Variants in TNR observed in about 807,000 individuals in gnomAD.
TNR encodes the protein tenascin R.
A neutral mutation model predicts 150.4 loss-of-function variants in TNR; 45 were observed. That is an observed-to-expected ratio of 0.30 (90% CI 0.24 to 0.38). TNR has a LOEUF of 0.38. TNR is among the 10% of genes least tolerant of loss of function. The probability of loss-of-function intolerance (pLI) is 1.00; values close to 1 mark genes in which losing one functional copy is unlikely to be tolerated. For synonymous variants in TNR, 687 were observed against 678.4 expected (o/e 1.01, Z -0.20); for missense variants, 1,544 against 1,759.1 (o/e 0.88, Z 2.19).
At chr1:175,547,528 T>A (rs1660736528) in intron 1 of TNR, among the ~76,000 whole-genome samples, 1 of 151,028 alleles carries the variant, frequency 6.6e-6, no homozygotes, top group Non-Finnish European at 1.5e-5. Context: ...GTGGCATGCT[T>A]TCTCTCATTT....
At chr1:175,571,128 C>A (rs6691558) in intron 1 of TNR, among the ~76,000 whole-genome samples, 21,924 of 152,116 alleles carry the variant, frequency 0.14, 2,323 homozygotes, top group African/African-American at 0.3. Context: ...CTGAACTAAA[C>A]ACCTTTGTCC....
chr1:175,445,369 T>C (rs1571449871), intron 2 of TNR, among the ~76,000 whole-genome samples: 1 of 152,336 alleles, frequency 6.6e-6, no homozygotes, highest in African/African-American at 2.4e-5. Context: ...AACAAAGGAA[T>C]TAGATTCTAT....
chr1:175,343,316 T>C (rs547586467), intron 18 of TNR, among the ~76,000 whole-genome samples: 1 of 152,266 alleles, frequency 6.6e-6, no homozygotes, highest in African/African-American at 2.4e-5. Context: ...TACTCCTCCC[T>C]CAGGGTGTAG....
At chr1:175,711,783 G>A (rs1415979242) in intron 1 of TNR, among the ~76,000 whole-genome samples, 1 of 152,186 alleles carries the variant, frequency 6.6e-6, no homozygotes, top group Non-Finnish European at 1.5e-5. Flanking sequence ...GAGAGCAGTC[G>A]AGGTTTTTGG....
intron 2 of TNR, among the ~76,000 whole-genome samples, chr1:175,417,077 A>AAGAAAGAAAGAAAG (rs1358494901): frequency 2.7e-5 from 4 of 149,820 alleles, no homozygotes; most frequent in Middle Eastern, 3.2e-3. Context: ...GAAAGAAAGA[A>AAGAAAGAAAGAAAG]ATCTAAGAAG....
Position 175,506,550 on chromosome 1 carries a change from T to G in TNR, c.-64+21719A>C, listed in dbSNP as rs572189146. Among the ~76,000 whole-genome samples the G allele has an allele frequency of 9.2e-5, 14 of 152,258 alleles. No homozygotes were observed. In the East Asian group the frequency reaches 1.9e-3, roughly 21 times the overall value. On this transcript the variant is annotated intron_variant, in intron 2 of 22. Transcript: ENST00000367674. The stretch of plus-strand genomic sequence containing the variant: ...TATAAGAAGAGGTGACTGGAGCACA[T>G]GGCAAGGGGACACACATGCGTGGGG...
At chr1:175,441,113 CTG>C (rs1655769985) in intron 2 of TNR, among the ~76,000 whole-genome samples, 1 of 152,190 alleles carries the variant, frequency 6.6e-6, no homozygotes, top group Non-Finnish European at 1.5e-5. Flanking sequence ...TTATTCATCT[CTG>C]TGGCACCTTC....
chr1:175,409,180 A>G (rs1654095541), intron 2 of TNR, among the ~76,000 whole-genome samples: 1 of 152,222 alleles, frequency 6.6e-6, no homozygotes, highest in Admixed American at 6.5e-5. Context: ...AGTCATTTAC[A>G]CACAGACGGG....
chr1:175,444,764 G>T (rs2102085485), intron 2 of TNR, among the ~76,000 whole-genome samples: 1 of 152,320 alleles, frequency 6.6e-6, no homozygotes, highest in African/African-American at 2.4e-5. Context: ...ACAGGCTGCT[G>T]TTGGATACCA....
At chr1:175,472,239 G>A (rs370448066) in intron 2 of TNR, among the ~76,000 whole-genome samples, 3 of 152,210 alleles carry the variant, frequency 2.0e-5, no homozygotes, top group East Asian at 3.9e-4. Flanking sequence ...GTCTTGTCTC[G>A]CTGGAAGGTC....
At chr1:175,581,488 C>T (rs1662346830) in intron 1 of TNR, among the ~76,000 whole-genome samples, 1 of 152,198 alleles carries the variant, frequency 6.6e-6, no homozygotes, top group Non-Finnish European at 1.5e-5. Context: ...CCACCTCCAC[C>T]TCCAAACTGG....
intron 2 of TNR, among the ~76,000 whole-genome samples, chr1:175,504,778 C>T (rs1658882224): frequency 6.6e-6 from 1 of 152,334 alleles, no homozygotes; most frequent in Middle Eastern, 3.4e-3. Context: ...TAGTCCCCAG[C>T]ACCTCAGAAT....
chr1:175,372,239 C>T (rs111576584), intron 9 of TNR, among the ~76,000 whole-genome samples: 186 of 152,350 alleles, frequency 1.2e-3, no homozygotes, highest in African/African-American at 4.4e-3. Context: ...GTAAGCCAGT[C>T]AAACCTCCTT....
At position 175,579,982 on chromosome 1, in the gene TNR, C is replaced by T. The variant is rs149200896; in HGVS notation, c.-164-51613G>A. The stretch of plus-strand genomic sequence containing the variant: ...CCCTGAAAAGATGCTGAGGTCCAAA[C>T]GGCATAAGGAAAGGAAAGCTGGAGA... On this transcript the variant is annotated intron_variant, in intron 1 of 22. Transcript: ENST00000367674. Among the ~76,000 whole-genome samples the T allele has an allele frequency of 2.9e-3, 440 of 152,178 alleles. 3 individuals carry two copies. Among genetic ancestry groups the T allele is most frequent in the Non-Finnish European group, 5.2e-3 (352 of 68,010 alleles).
At chr1:175,590,718 A>C (rs1217775502) in intron 1 of TNR, among the ~76,000 whole-genome samples, 1 of 152,272 alleles carries the variant, frequency 6.6e-6, no homozygotes, top group Non-Finnish European at 1.5e-5. Flanking sequence ...GGTGAGGAGA[A>C]CTGCAATGGC....
At chr1:175,438,294 T>C (rs751702070) in intron 2 of TNR, among the ~76,000 whole-genome samples, 23 of 152,182 alleles carry the variant, frequency 1.5e-4, no homozygotes, top group Admixed American at 5.9e-4. Flanking sequence ...ATTATCTCAA[T>C]AGATGTAGAA....
chr1:175,564,538 C>T (rs1193287970), intron 1 of TNR, among the ~76,000 whole-genome samples: 1 of 152,124 alleles, frequency 6.6e-6, no homozygotes, highest in Non-Finnish European at 1.5e-5. Flanking sequence ...GTATTGGTTG[C>T]ACATTTTGAT....
chr1:175,687,720 C>A (rs1666245591), intron 1 of TNR, among the ~76,000 whole-genome samples: 1 of 152,040 alleles, frequency 6.6e-6, no homozygotes, highest in Admixed American at 6.5e-5. Flanking sequence ...TCCCCTGCTC[C>A]CCACACCGAG....
intron 1 of TNR, among the ~76,000 whole-genome samples, chr1:175,627,872 C>T (rs1260895245): frequency 6.6e-6 from 1 of 152,160 alleles, no homozygotes; most frequent in Non-Finnish European, 1.5e-5. Context: ...AAGACTTTGG[C>T]CTTTACCATA....
Sources: allele counts gnomAD v4.1 joint callset (sites outside exome capture counted in the v4.1 genomes callset), GRCh38; gene constraint gnomAD v4.1.1; transcripts MANE v1.5; gene names NCBI Gene and HGNC (gene_info 2026-07-23, HGNC 2026-07-21).